PDE6B: variants seen among roughly 807,000 people sequenced by gnomAD.
PDE6B encodes phosphodiesterase 6B, also known as rod cGMP-specific 3',5'-cyclic phosphodiesterase subunit beta.
Under a neutral mutation model 109.0 loss-of-function variants are expected in PDE6B, and 106 were observed. The observed-to-expected ratio is 0.97, with a 90% CI of 0.83 to 1.14. PDE6B has a LOEUF of 1.14. Ranked by LOEUF, PDE6B falls within the 50% of genes most tolerant of loss-of-function variation. The pLI is 0.00. For synonymous variants in PDE6B, 490 were observed against 471.3 expected (o/e 1.04, Z -0.51); for missense variants, 1,193 against 1,155.6 (o/e 1.03, Z -0.47).
intron 2 of PDE6B, among the ~76,000 whole-genome samples, chr4:635,209 G>A (rs1447921720): frequency 7.8e-6 from 1 of 128,934 alleles, no homozygotes; most frequent in Non-Finnish European, 1.6e-5. Flanking sequence ...GCCTGCCCGC[G>A]TGTTCTGTGC....
chr4:669,903 G>A, intron 21 of PDE6B, 143 bp from the exon 22 acceptor site: 3 of 743,676 alleles, frequency 4.0e-6, no homozygotes, highest in Non-Finnish European at 7.4e-6. Flanking sequence ...GCTCAGCCCA[G>A]CTAATCGGCT....
Position 662,410 on chromosome 4 carries a change from GTCCAACC to G in PDE6B, c.1723-91_1723-85del, listed in dbSNP as rs1163766720. ...CACCCCAGCCCTGCGGTGGTCGGAG[GTCCAACC>G]TCCAACCCGACGCCTAGGTCATCCC... On this transcript the variant is annotated intron_variant, in intron 13 of 21. Coordinates refer to ENST00000496514, the MANE Select transcript of PDE6B (RefSeq NM_000283.4). The surrounding 1 kb of genome is among the most constrained non-coding windows in gnomAD (Gnocchi z 4.3). 4 of 917,638 alleles carry G rather than the reference GTCCAACC, an allele frequency of 4.4e-6. No individual in the cohort carries two copies. Among genetic ancestry groups the G allele is most frequent in the Non-Finnish European group, 7.1e-6 (4 of 560,584 alleles). The allele number at this position is 917,638 out of a possible 1,614,324, so 56.8% of individuals were successfully genotyped here. A position where few individuals can be genotyped will look rare whatever the true frequency, so the allele number is the denominator to read the frequency against.
chr4:652,426 G>C, intron 3 of PDE6B: 1 of 824,644 alleles, frequency 1.2e-6, no homozygotes, highest in East Asian at 1.2e-4. Flanking sequence ...GGCAGGAAGA[G>C]AGATAGAGAA....
rs532131170 is a variant in PDE6B, at chr4:663,600, G to C, written c.1921-170G>C. 3.0e-6 allele frequency: 2 copies of C among 655,746 alleles called. No individual in the cohort carries two copies. Among genetic ancestry groups the C allele is most frequent in the Admixed American group, 2.4e-5 (1 of 42,482 alleles). 40.6% of individuals were successfully genotyped at this position (655,746 alleles called of 1,614,324 possible). A position where few individuals can be genotyped will look rare whatever the true frequency, so the allele number is the denominator to read the frequency against. On this transcript the variant is annotated intron_variant, in intron 15 of 21. Coordinates refer to ENST00000496514, the MANE Select transcript of PDE6B (RefSeq NM_000283.4). The surrounding 1 kb of genome is among the most constrained non-coding windows in gnomAD (Gnocchi z 4.0). ...CGATGGAGCCGCTGGTGGAGAGCTG[G>C]GCACCCTGAGGAGGGCCCTGAGCAG...
intron 3 of PDE6B, among the ~76,000 whole-genome samples, chr4:650,361 T>A (rs1735444086): frequency 6.6e-6 from 1 of 152,192 alleles, no homozygotes; most frequent in South Asian, 2.1e-4. Flanking sequence ...CGGCCCCCCC[T>A]GTCCCCACTG....
rs531652183 is a variant in PDE6B at position 657,502 on chromosome 4, G to A, written c.1401+8G>A. The stretch of plus-strand genomic sequence containing the variant: ...GAGATCCAGCTCATCCTGGTGCGGC[G>A]GGGCAGGACGTCCAGGGGTCACCCA... On this transcript the variant is annotated splice_region_variant and intron_variant, in intron 10 of 21. Transcript: ENST00000496514. 2.9e-5 allele frequency: 43 copies of A among 1,462,114 alleles called. No homozygotes were observed. Among genetic ancestry groups the A allele is most frequent in the East Asian group, 6.7e-5 (3 of 44,842 alleles). The allele number at this position is 1,462,114 out of a possible 1,614,324, so 90.6% of individuals were successfully genotyped here.
intron 3 of PDE6B, among the ~76,000 whole-genome samples, chr4:642,725 CAAAAA>C (rs71636506): frequency 6.5e-4 from 28 of 43,336 alleles, no homozygotes; most frequent in African/African-American, 2.5e-3. Flanking sequence ...GACACTGTCT[CAAAAA>C]AAAAAAAAAA....
chr4:627,839 C>A (rs1734190926), intron 1 of PDE6B, among the ~76,000 whole-genome samples: 2 of 152,104 alleles, frequency 1.3e-5, no homozygotes, highest in African/African-American at 4.8e-5. Context: ...CCGCTGCCAC[C>A]ACCCCTTCAC....
chr4:662,438 A>T lies in PDE6B; in HGVS notation c.1723-71A>T, dbSNP rs1264227190. On this transcript the variant is annotated intron_variant, in intron 13 of 21. Transcript: ENST00000496514. The surrounding 1 kb of genome is among the most constrained non-coding windows in gnomAD (Gnocchi z 4.3). Reference sequence around the variant, plus strand: ...CAACCTCCAACCCGACGCCTAGGTCATCCCAACCCCTCACCACTCCCCACC... The same window carrying T: ...CAACCTCCAACCCGACGCCTAGGTCTTCCCAACCCCTCACCACTCCCCACC... The T allele has an allele frequency of 1.8e-6, 2 of 1,125,118 alleles. No individual in the cohort carries two copies. Among genetic ancestry groups the T allele is most frequent in the Non-Finnish European group, 2.7e-6 (2 of 737,562 alleles). The allele number at this position is 1,125,118 out of a possible 1,614,324, so 69.7% of individuals were successfully genotyped here.
Position 665,287 on chromosome 4 carries a change from G to C in PDE6B, c.2226G>C (p.Glu742Asp), listed in dbSNP as rs1477762818. The change falls in exon 19 of 22, where the codon GAG (glutamate) becomes GAC (aspartate). Residue 742 changes from glutamate (E) to aspartate (D), a missense_variant. By Grantham distance (45) the Glu-to-Asp change is conservative (BLOSUM62 2). Transcript: ENST00000496514. The surrounding 1 kb of genome is among the most constrained non-coding windows in gnomAD (Gnocchi z 4.0). ...TTCTCGTGGCTGCTGAGTTCTGGGA[G>C]CAAGGTGACTTGGAAAGGACAGTCT... ...VALLVAAEFWEQGDLERTVLD... is the reference protein window; with the variant it reads ...VALLVAAEFWDQGDLERTVLD... 1.2e-6 allele frequency: 2 copies of C among 1,612,892 alleles called. No homozygotes were observed. Among genetic ancestry groups the C allele is most frequent in the Non-Finnish European group, 1.7e-6 (2 of 1,179,548 alleles).
chr4:648,628 C>G lies in PDE6B; in HGVS notation c.712-5224C>G, dbSNP rs1044184495. ...GCCATTCCCTTTCTGAAAAGCCTCTCGGACACTCCCATCAGAGCCAACAGA... is the reference window on the plus strand; with the variant it reads ...GCCATTCCCTTTCTGAAAAGCCTCTGGGACACTCCCATCAGAGCCAACAGA... On this transcript the variant is annotated intron_variant, in intron 3 of 21. Coordinates refer to ENST00000496514, the MANE Select transcript of PDE6B (RefSeq NM_000283.4). This position sits in a 1 kb window ranked among gnomAD's most constrained non-coding sequence, Gnocchi z 4.5. Among the ~76,000 whole-genome samples the G allele has an allele frequency of 9.9e-5, 15 of 152,186 alleles. No individual in the cohort carries two copies. Among genetic ancestry groups the G allele is most frequent in the Admixed American group, 3.3e-4 (5 of 15,280 alleles).
intron 11 of PDE6B, among the ~76,000 whole-genome samples, chr4:659,749 C>G (rs28573204): frequency 0.16 from 24,334 of 150,618 alleles, 2,366 homozygotes; most frequent in African/African-American, 0.28. Context: ...CACATGTGCA[C>G]AGGGGGTGTG....
intron 3 of PDE6B, among the ~76,000 whole-genome samples, chr4:649,814 C>A (rs1296905206): frequency 6.6e-6 from 1 of 152,190 alleles, no homozygotes; most frequent in African/African-American, 2.4e-5. Flanking sequence ...TCTGCCCTGG[C>A]CCCTCAGGAC....
intron 1 of PDE6B, among the ~76,000 whole-genome samples, chr4:627,913 G>A (rs1734195082): frequency 6.6e-6 from 1 of 151,700 alleles, no homozygotes; most frequent in Non-Finnish European, 1.5e-5. Context: ...TCAAACTGCT[G>A]GGCTGTCCTA....
chr4:644,108 G>A lies in PDE6B; in HGVS notation c.711+8139G>A, dbSNP rs534595758. 3.2e-3 allele frequency among the ~76,000 whole-genome samples: 478 copies of A among 151,424 alleles called. 7 individuals are homozygous for A. Among genetic ancestry groups the A allele is most frequent in the African/African-American group, 0.011 (446 of 41,030 alleles). On this transcript the variant is annotated intron_variant, in intron 3 of 21. Transcript: ENST00000496514. The stretch of plus-strand genomic sequence containing the variant: ...TAATTTTTGCATTTTTAGTAGAGAC[G>A]GGGTTTCACCATGTTGGCCAGGATG...
At position 626,143 on chromosome 4, in the gene PDE6B, C is replaced by A. The variant is rs368294359; in HGVS notation, c.468+49C>A. 2.7e-4 allele frequency: 313 copies of A among 1,165,076 alleles called. No homozygotes were observed. Among genetic ancestry groups the A allele is most frequent in the Admixed American group, 3.9e-4 (20 of 50,766 alleles). 72.2% of individuals were successfully genotyped at this position (1,165,076 alleles called of 1,614,324 possible). On this transcript the variant is annotated intron_variant, in intron 1 of 21. Transcript: ENST00000496514. This position sits in a 1 kb window ranked among gnomAD's most constrained non-coding sequence, Gnocchi z 4.6. ...GAGGCGGCTGTGTGCATCTCTTGCA[C>A]CTGTCCCAGGTGTCTAAGGGTCAGC...
chr4:650,064 G>A (rs938205082), intron 3 of PDE6B, among the ~76,000 whole-genome samples: 5 of 152,132 alleles, frequency 3.3e-5, no homozygotes, highest in Non-Finnish European at 5.9e-5. Context: ...CAGGCTGCTC[G>A]AACCATCCCC....
intron 8 of PDE6B, 136 bp downstream of exon 8, chr4:656,428 C>T (rs562829960): frequency 5.4e-6 from 4 of 737,772 alleles, no homozygotes; most frequent in Non-Finnish European, 9.9e-6. Flanking sequence ...GCCTGTAATC[C>T]CAGCACTTTG....
rs201982527 is a variant in PDE6B at position 665,349 on chromosome 4, C to G, written c.2268+20C>G. 26 of 1,556,098 alleles carry G rather than the reference C, an allele frequency of 1.7e-5. No homozygotes were observed. The East Asian group carries it at 5.2e-4, about 31-fold the overall frequency. Reference sequence around the variant, plus strand: ...CCCATTGTGAGTGCTGCTTCTGGAACCTTCCACTCCTGAAACGGGTGTTAG... The same window carrying G: ...CCCATTGTGAGTGCTGCTTCTGGAAGCTTCCACTCCTGAAACGGGTGTTAG... On this transcript the variant is annotated intron_variant, in intron 19 of 21. Transcript: ENST00000496514. This position sits in a 1 kb window ranked among gnomAD's most constrained non-coding sequence, Gnocchi z 4.0.
Sources: allele counts gnomAD v4.1 joint callset (sites outside exome capture counted in the v4.1 genomes callset), GRCh38; gene constraint gnomAD v4.1.1; non-coding constraint Gnocchi (gnomAD v3.1); transcripts MANE v1.5; gene names NCBI Gene and HGNC (gene_info 2026-07-23, HGNC 2026-07-21).